Variants in GRID2 observed in about 807,000 individuals in gnomAD.
The protein encoded by GRID2 is glutamate ionotropic receptor delta type subunit 2.
In GRID2, 33 loss-of-function variants were observed where a neutral mutation model predicts 114.8. That is an observed-to-expected ratio of 0.29 (90% confidence interval 0.22 to 0.38). The LOEUF (loss-of-function observed/expected upper bound fraction) is 0.38. GRID2 is among the 10% of genes least tolerant of loss of function. GRID2 has a pLI of 1.00. For missense variants in GRID2, 1,184 were observed against 1,257.7 expected, an observed-to-expected ratio of 0.94 and a Z score of 0.89; for synonymous variants, 505 against 449.9, an observed-to-expected ratio of 1.12 and a Z score of -1.55.
chr4:92,877,644 A>C (rs546190258), intron 2 of GRID2, among the ~76,000 whole-genome samples: 2 of 152,274 alleles, frequency 1.3e-5, no homozygotes, highest in African/African-American at 2.4e-5. Flanking sequence ...ACCAGGCTAC[A>C]ATCAGGATAC....
At chr4:93,731,347 G>C (rs1410533159) in intron 14 of GRID2, among the ~76,000 whole-genome samples, 1 of 152,104 alleles carries the variant, frequency 6.6e-6, no homozygotes, top group South Asian at 2.1e-4. Context: ...ATGAAAATTA[G>C]AGCGCAATAG....
chr4:93,572,852 A>G (rs950683142), intron 13 of GRID2, among the ~76,000 whole-genome samples: 7 of 152,122 alleles, frequency 4.6e-5, no homozygotes, highest in Admixed American at 2.6e-4. Flanking sequence ...CCTGCAGCAC[A>G]TGCTTTTACT....
rs140109165 is a variant in GRID2, at chr4:92,347,245, A to G, written c.88+42501A>G. Among the ~76,000 whole-genome samples, 6 of 152,342 alleles carry G rather than the reference A, an allele frequency of 3.9e-5. No individual in the cohort carries two copies. In the East Asian group the frequency reaches 1.2e-3, roughly 29 times the overall value. On this transcript the variant is annotated intron_variant, in intron 1 of 15. Coordinates refer to ENST00000282020, the MANE Select transcript of GRID2 (RefSeq NM_001510.4). ...AATATATGACTAGAAATAGCATTCA[A>G]TATTAGGATAGTTCAGTGTGGAATA...
At chr4:92,709,666 A>T (rs1735142703) in intron 2 of GRID2, among the ~76,000 whole-genome samples, 2 of 150,928 alleles carry the variant, frequency 1.3e-5, no homozygotes, top group African/African-American at 4.9e-5. Context: ...GTGGCAAAAT[A>T]TAAGAGTTAA....
intron 10 of GRID2, among the ~76,000 whole-genome samples, chr4:93,453,068 G>T (rs1406709691): frequency 7.7e-6 from 1 of 130,370 alleles, no homozygotes; most frequent in African/African-American, 3.0e-5. Context: ...GCCCCGGTGT[G>T]TGATGTTCGC....
chr4:92,575,739 C>A (rs1477677682), intron 1 of GRID2, among the ~76,000 whole-genome samples: 2 of 152,188 alleles, frequency 1.3e-5, no homozygotes, highest in African/African-American at 4.8e-5. Context: ...CCTTGGGCAA[C>A]TCTTCAGCTC....
intron 2 of GRID2, among the ~76,000 whole-genome samples, chr4:92,939,936 G>T (rs547787923): frequency 1.4e-5 from 2 of 146,966 alleles, no homozygotes; most frequent in African/African-American, 4.9e-5. Flanking sequence ...TCTCTGTTTT[G>T]GTACCAGTAC....
At chr4:92,440,662 A>G (rs1733001734) in intron 1 of GRID2, among the ~76,000 whole-genome samples, 1 of 152,026 alleles carries the variant, frequency 6.6e-6, no homozygotes. Flanking sequence ...GGCTTGTACT[A>G]TAGCATAACC....
chr4:93,501,745 A>G (rs1472080727), intron 12 of GRID2, among the ~76,000 whole-genome samples: 1 of 152,088 alleles, frequency 6.6e-6, no homozygotes, highest in Non-Finnish European at 1.5e-5. Context: ...CTCTGTTTAC[A>G]CTGAGCTCAC....
intron 2 of GRID2, among the ~76,000 whole-genome samples, chr4:92,733,215 C>A (rs1233825932): frequency 6.6e-6 from 1 of 152,096 alleles, no homozygotes; most frequent in African/African-American, 2.4e-5. Flanking sequence ...ATTAAGTTTT[C>A]TGATTTCTAT....
chr4:92,916,770 T>C (rs1748837198), intron 2 of GRID2, among the ~76,000 whole-genome samples: 1 of 152,188 alleles, frequency 6.6e-6, no homozygotes, highest in African/African-American at 2.4e-5. Flanking sequence ...TTGTTGGACA[T>C]TTGGGTTGGT....
At chr4:92,388,370 C>T (rs541978732) in intron 1 of GRID2, among the ~76,000 whole-genome samples, 2 of 152,082 alleles carry the variant, frequency 1.3e-5, no homozygotes, top group African/African-American at 2.4e-5. Context: ...CCCAATACCA[C>T]GGTTACAATA....
intron 2 of GRID2, among the ~76,000 whole-genome samples, chr4:92,828,943 A>C (rs1741916748): frequency 6.6e-6 from 1 of 151,862 alleles, no homozygotes; most frequent in Non-Finnish European, 1.5e-5. Flanking sequence ...GATTGCAAAA[A>C]TTTTCTCCCA....
intron 2 of GRID2, among the ~76,000 whole-genome samples, chr4:92,880,144 G>T (rs578143278): frequency 6.6e-6 from 1 of 152,062 alleles, no homozygotes; most frequent in African/African-American, 2.4e-5. Context: ...GTTTATTCCC[G>T]TTCTGTGATA....
chr4:92,877,489 C>G (rs866272804), intron 2 of GRID2, among the ~76,000 whole-genome samples: 1 of 152,058 alleles, frequency 6.6e-6, no homozygotes, highest in Admixed American at 6.5e-5. Context: ...TGAGGATGAG[C>G]GAGGCATCAT....
intron 14 of GRID2, among the ~76,000 whole-genome samples, chr4:93,635,360 C>G (rs1253317594): frequency 1.3e-5 from 2 of 149,954 alleles, no homozygotes; most frequent in Admixed American, 6.7e-5. Context: ...TGAAGGTTCA[C>G]TCTCAAAGGG....
chr4:93,123,192 C>A (rs1173260943), intron 4 of GRID2, among the ~76,000 whole-genome samples: 1 of 152,084 alleles, frequency 6.6e-6, no homozygotes, highest in Non-Finnish European at 1.5e-5. Context: ...CTTCTCCTAA[C>A]AGCCTATAGT....
chr4:92,647,969 A>T (rs1237345834), intron 2 of GRID2, among the ~76,000 whole-genome samples: 2 of 149,746 alleles, frequency 1.3e-5, no homozygotes, highest in African/African-American at 5.0e-5. Flanking sequence ...TCATTTTGTT[A>T]TACAGATTAA....
At chr4:92,750,178 A>C (rs1737378376) in intron 2 of GRID2, among the ~76,000 whole-genome samples, 2 of 152,212 alleles carry the variant, frequency 1.3e-5, no homozygotes, top group South Asian at 4.1e-4. Flanking sequence ...CTCACATTCT[A>C]ACACTTTGCA....
Sources: gnomAD v4.1 joint callset for allele counts (sites outside exome capture counted in the v4.1 genomes callset) on GRCh38, gnomAD v4.1.1 for gene constraint, MANE v1.5 for transcripts, NCBI Gene and HGNC (gene_info 2026-07-23, HGNC 2026-07-21) for gene names.